Variants in COL4A4 observed in about 807,000 individuals in gnomAD.
COL4A4 encodes the protein collagen alpha-4(IV) chain.
Under a neutral mutation model 192.9 loss-of-function variants are expected in COL4A4, and 105 were observed. The observed-to-expected ratio is 0.54, with a 90% CI of 0.46 to 0.64. COL4A4 has a LOEUF of 0.64. Ranked by LOEUF, COL4A4 falls within the 30% of genes least tolerant of loss-of-function variation. COL4A4 has a pLI of 0.00. For synonymous variants in COL4A4, 762 were observed against 769.9 expected, an observed-to-expected ratio of 0.99 and a Z score of 0.17; for missense variants, 1,967 against 2,169.3, an observed-to-expected ratio of 0.91 and a Z score of 1.85.
rs144789664 is a variant in COL4A4, at chr2:227,015,717, AGTG to A, written c.4217-3423_4217-3421del. ...AAACCAATCAATAATTGGTGAAGGT[AGTG>A]GTTAAATAAATTATGGCACAATCAG... On this transcript the variant is annotated intron_variant, in intron 44 of 47. Transcript: ENST00000396625. Among the ~76,000 whole-genome samples the A allele has an allele frequency of 5.3e-3, 804 of 152,318 alleles. 39 individuals carry two copies. In the East Asian group the frequency reaches 0.11, roughly 21 times the overall value.
chr2:227,131,763 C>T (rs928995204), intron 4 of COL4A4, among the ~76,000 whole-genome samples: 1 of 152,184 alleles, frequency 6.6e-6, no homozygotes, highest in African/African-American at 2.4e-5. Flanking sequence ...CTAAATGCTA[C>T]TACATGCACC....
rs71036153 is a variant in COL4A4 at position 227,041,720 on chromosome 2, GAGGAAGGAAGGAAGGAAGGAAGGAAGGA to G, written c.3505+400_3505+427del. Among the ~76,000 whole-genome samples the G allele has an allele frequency of 4.2e-3, 166 of 39,260 alleles. 1 individual carries two copies. Among genetic ancestry groups the G allele is most frequent in the African/African-American group, 0.012 (111 of 9,432 alleles). The allele number at this position is 39,260 out of a possible 152,430, so 25.8% of individuals were successfully genotyped here. On this transcript the variant is annotated intron_variant, in intron 37 of 47. Transcript: ENST00000396625. ...AGAGAGAGAGAAGGAAGGAAGGGAG[GAGGAAGGAAGGAAGGAAGGAAGGAAGGA>G]AGGAAGGAAGGAAGGAAGGAAGGAA...
intron 43 of COL4A4, among the ~76,000 whole-genome samples, chr2:227,024,135 A>T (rs1042640916): frequency 1.3e-4 from 20 of 152,202 alleles, no homozygotes; most frequent in African/African-American, 4.8e-4. Flanking sequence ...CTCCAAACCC[A>T]TGTTCTTAAC....
At chr2:227,063,924 C>A (rs571981650) in intron 25 of COL4A4, among the ~76,000 whole-genome samples, 1 of 152,066 alleles carries the variant, frequency 6.6e-6, no homozygotes, top group Admixed American at 6.5e-5. Context: ...TCAAATAAAA[C>A]AACAAAGATA....
chr2:227,052,043 T>G (rs1974227410), intron 32 of COL4A4, among the ~76,000 whole-genome samples: 2 of 151,966 alleles, frequency 1.3e-5, no homozygotes, highest in South Asian at 2.1e-4. Context: ...ATACAAAAAT[T>G]AGCCAGGCGT....
At chr2:227,137,266 G>C (rs2062879530) in intron 4 of COL4A4, among the ~76,000 whole-genome samples, 1 of 152,178 alleles carries the variant, frequency 6.6e-6, no homozygotes, top group Admixed American at 6.5e-5. Flanking sequence ...AGGACCAATG[G>C]GGGTACGTGC....
the COL4A4 span, among the ~76,000 whole-genome samples, chr2:226,980,566 A>G: frequency 1.3e-5 from 2 of 152,200 alleles, no homozygotes; most frequent in African/African-American, 2.4e-5. Flanking sequence ...CATGATATTT[A>G]TGATGTCATC....
intron 3 of COL4A4, among the ~76,000 whole-genome samples, chr2:227,141,985 A>T (rs1034503526): frequency 2.0e-5 from 3 of 152,018 alleles, no homozygotes; most frequent in South Asian, 4.2e-4. Flanking sequence ...CTTGATAATA[A>T]GGGCAAGTTT....
chr2:227,062,384 ATGC>A, intron 26 of COL4A4, 143 bp downstream of exon 26: 3 of 677,982 alleles, frequency 4.4e-6, no homozygotes, highest in Non-Finnish European at 8.0e-6. Context: ...ATTACTACAA[ATGC>A]TGTTTTCCCC....
Position 227,060,188 on chromosome 2 carries a change from C to G in COL4A4, c.2112G>C (p.Gly704=). Residue 704 remains glycine, a synonymous_variant, in exon 27 of 48, where the codon GGG becomes GGC. Coordinates refer to ENST00000396625, the MANE Select transcript of COL4A4 (RefSeq NM_000092.5). ...QGAPGLSGSD[G]HKGRPGTPGT... ...CTGGTGTGCCAGGTCTGCCTTTATG[C>G]CCATCTGAACCACTCAGCCCAGGGG... 6.2e-7 allele frequency: 1 copy of G among 1,608,996 alleles called. No individual in the cohort carries two copies. The highest frequency in any genetic ancestry group is 8.5e-7 in the Non-Finnish European group (1 of 1,178,834).
intron 25 of COL4A4, among the ~76,000 whole-genome samples, chr2:227,067,059 T>C (rs1193276548): frequency 6.6e-6 from 1 of 151,532 alleles, no homozygotes; most frequent in Non-Finnish European, 1.5e-5. Context: ...AAGGCAGGGA[T>C]TGCAATCCTA....
At chr2:227,089,746 C>G in intron 21 of COL4A4, 122 bp downstream of exon 21, 1 of 787,622 alleles carries the variant, frequency 1.3e-6, no homozygotes, top group South Asian at 1.5e-5. Context: ...ATGGAGTACT[C>G]TAGTGGGTGA....
At chr2:226,979,393 C>T in the COL4A4 span, among the ~76,000 whole-genome samples, 1 of 152,268 alleles carries the variant, frequency 6.6e-6, no homozygotes, top group East Asian at 1.9e-4. Context: ...TAACAGGCCC[C>T]CATCTCACCA....
intron 25 of COL4A4, among the ~76,000 whole-genome samples, chr2:227,065,387 G>A (rs6734330): frequency 0.016 from 2,397 of 152,368 alleles, 49 homozygotes; most frequent in African/African-American, 0.054. Context: ...ACAGCTCAAG[G>A]AGGCCTGCCT....
At chr2:226,980,557 A>G in the COL4A4 span, among the ~76,000 whole-genome samples, 2 of 152,200 alleles carry the variant, frequency 1.3e-5, no homozygotes, top group Non-Finnish European at 2.9e-5. Flanking sequence ...CTGGAAATGC[A>G]TGATATTTAT....
At chr2:227,058,126 T>C (rs991222272) in intron 28 of COL4A4, among the ~76,000 whole-genome samples, 2 of 152,242 alleles carry the variant, frequency 1.3e-5, no homozygotes, top group African/African-American at 2.4e-5. Context: ...CATTTAAAAA[T>C]AGTAATCAGT....
At chr2:227,080,288 C>A (rs1400344394) in intron 24 of COL4A4, among the ~76,000 whole-genome samples, 155 bp downstream of exon 24, 1 of 152,180 alleles carries the variant, frequency 6.6e-6, no homozygotes, top group Non-Finnish European at 1.5e-5. Flanking sequence ...TTAAAACAAT[C>A]ATCTTTCCAT....
intron 26 of COL4A4, among the ~76,000 whole-genome samples, chr2:227,061,251 T>C (rs1301695044): frequency 6.6e-6 from 1 of 152,204 alleles, no homozygotes; most frequent in Non-Finnish European, 1.5e-5. Context: ...AATTCTCCAC[T>C]CTGCTGATAC....
At chr2:226,970,846 GA>G in the COL4A4 span, among the ~76,000 whole-genome samples, 2 of 152,152 alleles carry the variant, frequency 1.3e-5, no homozygotes, top group East Asian at 3.9e-4. Flanking sequence ...CCTCGGAGAG[GA>G]GGGATATCGT....
Sources: allele counts gnomAD v4.1 joint callset (sites outside exome capture counted in the v4.1 genomes callset), GRCh38; gene constraint gnomAD v4.1.1; transcripts MANE v1.5; gene names NCBI Gene and HGNC (gene_info 2026-07-23, HGNC 2026-07-21).